EMILIN2: variants seen among roughly 807,000 people sequenced by gnomAD.
The protein encoded by EMILIN2 is EMILIN-2.
A neutral mutation model predicts 87.1 loss-of-function variants in EMILIN2; 71 were observed. That is an observed-to-expected ratio of 0.82 (90% CI 0.67 to 0.99). The LOEUF (loss-of-function observed/expected upper bound fraction) is 0.99. Ranked by LOEUF, EMILIN2 falls within the 50% of genes least tolerant of loss-of-function variation. The pLI is 0.00. For synonymous variants in EMILIN2, 581 were observed against 563.4 expected (o/e 1.03, Z -0.44); for missense variants, 1,407 against 1,371.8 (o/e 1.03, Z -0.40).
intron 2 of EMILIN2, among the ~76,000 whole-genome samples, chr18:2,871,103 C>A (rs1239438093): frequency 4.6e-5 from 7 of 152,160 alleles, no homozygotes; most frequent in African/African-American, 1.7e-4. Flanking sequence ...TTTTCCGGTA[C>A]TGGGGGTTGG....
At chr18:2,857,030 GC>G (rs1768316558) in intron 2 of EMILIN2, among the ~76,000 whole-genome samples, 1 of 152,210 alleles carries the variant, frequency 6.6e-6, no homozygotes, top group Non-Finnish European at 1.5e-5. Context: ...GTTCGAAAAT[GC>G]TGTAAAAGCA....
rs533557351 is a variant in EMILIN2 at position 2,868,342 on chromosome 18, A to C, written c.258-16622A>C. On this transcript the variant is annotated intron_variant, in intron 2 of 7. Transcript: ENST00000254528. ...GGGCAGCCAGGCAGAGGGGCTCCTC[A>C]CATCCCAGACGATGGGCGGCCACGC... is the stretch of plus-strand genomic sequence containing the variant. Among the ~76,000 whole-genome samples the C allele has an allele frequency of 1.7e-4, 26 of 152,152 alleles. 1 individual carries two copies. In the South Asian group the frequency reaches 5.2e-3, roughly 30 times the overall value.
intron 2 of EMILIN2, among the ~76,000 whole-genome samples, chr18:2,858,573 G>GTATATATATATATATATATATATA (rs2076642746): frequency 3.6e-5 from 2 of 55,566 alleles, no homozygotes; most frequent in East Asian, 6.6e-4. Context: ...ATATATATGT[G>GTATATATATATATATATATATATA]TGTGTGTGTG....
rs1404379917 is a variant in EMILIN2 at position 2,878,728 on chromosome 18, C to T, written c.258-6236C>T. 2.0e-5 allele frequency among the ~76,000 whole-genome samples: 3 copies of T among 152,114 alleles called. No individual in the cohort carries two copies. In the East Asian group the frequency reaches 5.8e-4, roughly 29 times the overall value. Reference sequence around the variant, plus strand: ...CCTGCCTGGCTAGGGTACTTCCTACCATCCCTGGGGAAACACCTCCTTTCT... The same window carrying T: ...CCTGCCTGGCTAGGGTACTTCCTACTATCCCTGGGGAAACACCTCCTTTCT... On this transcript the variant is annotated intron_variant, in intron 2 of 7. Transcript: ENST00000254528.
In EMILIN2 at chr18:2,889,695, T is replaced by TTC. The variant is rs1396195091; in HGVS notation, c.434-865_434-864insCT. ...ATTCTTCTTCTTTTTTTCTTTTCTT[T>TTC]TTTTTTTTTTTTTTTTTTTAAAGAT... is the stretch of plus-strand genomic sequence containing the variant. On this transcript the variant is annotated intron_variant, in intron 3 of 7. Transcript: ENST00000254528. Among the ~76,000 whole-genome samples, 432 of 135,846 alleles carry TTC rather than the reference T, an allele frequency of 3.2e-3. 2 individuals are homozygous for TTC. The highest frequency in any genetic ancestry group is 0.01 in the African/African-American group (314 of 31,206). The allele number at this position is 135,846 out of a possible 152,430, so 89.1% of individuals were successfully genotyped here.
chr18:2,854,277 T>G (rs1462614180), intron 2 of EMILIN2, among the ~76,000 whole-genome samples: 1 of 152,146 alleles, frequency 6.6e-6, no homozygotes, highest in Non-Finnish European at 1.5e-5. Flanking sequence ...AAAAAGATCT[T>G]ACCAGTCGGG....
intron 2 of EMILIN2, among the ~76,000 whole-genome samples, chr18:2,851,522 C>A (rs918285809): frequency 3.3e-5 from 5 of 152,098 alleles, no homozygotes; most frequent in African/African-American, 1.2e-4. Context: ...GGTGAAACCG[C>A]TGGGAAATGG....
At chr18:2,858,583 G>GTGTGTATATATATATA (rs1180735843) in intron 2 of EMILIN2, among the ~76,000 whole-genome samples, 6 of 63,042 alleles carry the variant, frequency 9.5e-5, no homozygotes, top group African/African-American at 2.8e-4. Flanking sequence ...GTGTGTGTGT[G>GTGTGTATATATATATA]TATATATATA....
chr18:2,908,974 A>AG lies in EMILIN2; in HGVS notation c.2695+1dup, dbSNP rs754951926. The AG allele has an allele frequency of 2.5e-6, 4 of 1,613,242 alleles. No individual in the cohort carries two copies. The highest frequency in any genetic ancestry group is 3.4e-6 in the Non-Finnish European group (4 of 1,180,010). ...CGAAGTCACCTCCTGTAGCTTCCCCAGGTATGTCTGCTGAGAGACCAGGAG... is the reference window on the plus strand; with the variant it reads ...CGAAGTCACCTCCTGTAGCTTCCCCAGGGTATGTCTGCTGAGAGACCAGGAG... On this transcript the variant is annotated frameshift_variant and splice_region_variant, in exon 6 of 8. Transcript: ENST00000254528. LOFTEE classifies it high-confidence loss of function.
chr18:2,853,312 C>G (rs1164699018), intron 2 of EMILIN2, among the ~76,000 whole-genome samples: 1 of 152,182 alleles, frequency 6.6e-6, no homozygotes, highest in African/African-American at 2.4e-5. Context: ...TGCCACCCCC[C>G]CAGCCCTTGG....
intron 2 of EMILIN2, among the ~76,000 whole-genome samples, chr18:2,851,681 G>A (rs1255387106): frequency 5.3e-5 from 8 of 152,204 alleles, no homozygotes; most frequent in Admixed American, 5.2e-4. Context: ...CTGTTTACAT[G>A]TATGAAAAGC....
chr18:2,861,261 G>T (rs1468561879), intron 2 of EMILIN2, among the ~76,000 whole-genome samples: 1 of 152,090 alleles, frequency 6.6e-6, no homozygotes, highest in East Asian at 1.9e-4. Flanking sequence ...GTCAATTTTG[G>T]CTTTTGTTGC....
Position 2,891,610 on chromosome 18 carries a change from C to G in EMILIN2, c.1483C>G (p.Gln495Glu). 5 of 1,614,034 alleles carry G rather than the reference C, an allele frequency of 3.1e-6. No homozygotes were observed. Among genetic ancestry groups the G allele is most frequent in the Non-Finnish European group, 4.2e-6 (5 of 1,180,028 alleles). The change falls in exon 4 of 8, where the codon CAG becomes GAG. Residue 495 changes from glutamine to glutamate, a missense_variant. Physicochemically the swap from Gln to Glu is conservative, Grantham distance 29. Coordinates refer to ENST00000254528, the MANE Select transcript of EMILIN2 (RefSeq NM_032048.3). The surrounding 1 kb of genome is among the most constrained non-coding windows in gnomAD (Gnocchi z 4.6). ...DLKQLVDQKI[Q>E]SLEDRLGSVL... ...GAAGCAGCTTGTTGATCAGAAAATACAGTCTCTGGAAGACCGTCTGGGGAG... is the reference window on the plus strand; with the variant it reads ...GAAGCAGCTTGTTGATCAGAAAATAGAGTCTCTGGAAGACCGTCTGGGGAG...
At chr18:2,871,948 G>C (rs981262926) in intron 2 of EMILIN2, among the ~76,000 whole-genome samples, 1 of 151,988 alleles carries the variant, frequency 6.6e-6, no homozygotes, top group Non-Finnish European at 1.5e-5. Flanking sequence ...CAATGTCTGG[G>C]GGGCAAAAGA....
chr18:2,889,854 T>C (rs138104377), intron 3 of EMILIN2, among the ~76,000 whole-genome samples: 6 of 152,328 alleles, frequency 3.9e-5, no homozygotes, highest in East Asian at 3.9e-4. Context: ...TTCTTTGACG[T>C]AGTGAATCTT....
chr18:2,891,422 A>G lies in EMILIN2; in HGVS notation c.1295A>G (p.Asn432Ser), dbSNP rs763604813. The part of the protein sequence containing the change: ...ATRMLNGRLD[N>S]EFDRLIVPEP... ...AGAATGCTGAATGGAAGACTGGACA[A>G]TGAGTTTGACCGCCTTATAGTTCCA... Residue 432 changes from asparagine to serine, a missense_variant, in exon 4 of 8, where the codon AAT (asparagine) becomes AGT (serine). Physicochemically the swap from Asn to Ser is conservative, Grantham distance 46. Coordinates refer to ENST00000254528, the MANE Select transcript of EMILIN2 (RefSeq NM_032048.3). This position sits in a 1 kb window ranked among gnomAD's most constrained non-coding sequence, Gnocchi z 4.6. 1 of 1,614,234 alleles carries G rather than the reference A, an allele frequency of 6.2e-7. No individual in the cohort carries two copies. Among genetic ancestry groups the G allele is most frequent in the South Asian group, 1.1e-5 (1 of 91,090 alleles).
chr18:2,884,100 C>T (rs185848228), intron 2 of EMILIN2, among the ~76,000 whole-genome samples: 3,044 of 152,184 alleles, frequency 0.02, 39 homozygotes, highest in Middle Eastern at 0.034. Context: ...GGACTACAGG[C>T]GCACGCCATC....
chr18:2,880,249 T>G lies in EMILIN2; in HGVS notation c.258-4715T>G, dbSNP rs2144016069. Among the ~76,000 whole-genome samples, 1 of 152,238 alleles carries G rather than the reference T, an allele frequency of 6.6e-6. No individual in the cohort carries two copies. Among genetic ancestry groups the G allele is most frequent in the South Asian group, 2.1e-4 (1 of 4,820 alleles). ...GGGACACTTCCAGTCATATGGTCCC[T>G]GGACGCTGACACAACTTTTCCAGGA... is the stretch of plus-strand genomic sequence containing the variant. On this transcript the variant is annotated intron_variant, in intron 2 of 7. Transcript: ENST00000254528. This position sits in a 1 kb window ranked among gnomAD's most constrained non-coding sequence, Gnocchi z 4.1.
At chr18:2,884,827 G>A in intron 2 of EMILIN2, 137 bp from the exon 3 acceptor site, 2 of 865,008 alleles carry the variant, frequency 2.3e-6, no homozygotes, top group Non-Finnish European at 3.4e-6. Context: ...GGACTGAGGA[G>A]ACCAACATCC....
Sources: allele counts gnomAD v4.1 joint callset (sites outside exome capture counted in the v4.1 genomes callset), GRCh38; gene constraint gnomAD v4.1.1; non-coding constraint Gnocchi (gnomAD v3.1); transcripts MANE v1.5; gene names NCBI Gene and HGNC (gene_info 2026-07-23, HGNC 2026-07-21).